AFG2A: variants seen among roughly 807,000 people sequenced by gnomAD.
The protein encoded by AFG2A is AAA ATPase AFG2A.
At chr4:122,962,906 T>C in the AFG2A span, among the ~76,000 whole-genome samples, 1 of 152,234 alleles carries the variant, frequency 6.6e-6, no homozygotes, top group South Asian at 2.1e-4. Flanking sequence ...CTGCCTACTG[T>C]TTCTTTTTCA....
At chr4:123,153,812 GA>G in the AFG2A span, among the ~76,000 whole-genome samples, 2 of 151,792 alleles carry the variant, frequency 1.3e-5, no homozygotes, top group African/African-American at 4.8e-5. Context: ...AATGGAAAAA[GA>G]AAAAACAAAC....
chr4:123,186,333 G>A, the AFG2A span, among the ~76,000 whole-genome samples: 4 of 152,230 alleles, frequency 2.6e-5, no homozygotes, highest in South Asian at 8.3e-4. Flanking sequence ...TAGAATCCCA[G>A]CAATGGAAAG....
the AFG2A span, among the ~76,000 whole-genome samples, chr4:123,004,557 C>G: frequency 8.5e-5 from 13 of 152,212 alleles, no homozygotes; most frequent in African/African-American, 3.1e-4. Context: ...ATGTTTGAAT[C>G]AGTCTTGTAG....
At chr4:123,040,798 G>C in the AFG2A span, among the ~76,000 whole-genome samples, 40 of 152,166 alleles carry the variant, frequency 2.6e-4, no homozygotes, top group East Asian at 3.1e-3. Context: ...AGATATGGAA[G>C]TATTGGTGAT....
At chr4:123,202,307 T>G in the AFG2A span, among the ~76,000 whole-genome samples, 45 of 152,308 alleles carry the variant, frequency 3.0e-4, no homozygotes, top group South Asian at 7.0e-3. Context: ...TACTAATATG[T>G]GCATATTTAT....
chr4:123,121,256 A>AT, the AFG2A span, among the ~76,000 whole-genome samples: 3 of 80,216 alleles, frequency 3.7e-5, no homozygotes, highest in African/African-American at 8.4e-5. Flanking sequence ...AGTAAAAAAA[A>AT]AAAATAATAA....
chr4:123,130,116 C>T, the AFG2A span, among the ~76,000 whole-genome samples: 1 of 151,948 alleles, frequency 6.6e-6, no homozygotes, highest in Non-Finnish European at 1.5e-5. Flanking sequence ...TCAAACCATC[C>T]CCCACCTCAG....
the AFG2A span, among the ~76,000 whole-genome samples, chr4:123,010,808 T>C: frequency 3.9e-5 from 6 of 152,238 alleles, no homozygotes; most frequent in Non-Finnish European, 8.8e-5. Flanking sequence ...ACATGTCCAA[T>C]TTCTCAAGGC....
the AFG2A span, among the ~76,000 whole-genome samples, chr4:123,084,982 A>G: frequency 6.6e-6 from 1 of 151,338 alleles, no homozygotes; most frequent in African/African-American, 2.4e-5. Context: ...CCTTTGTATT[A>G]CAAGTGTGTT....
the AFG2A span, among the ~76,000 whole-genome samples, chr4:123,308,556 C>T: frequency 3.3e-5 from 5 of 152,060 alleles, no homozygotes; most frequent in Middle Eastern, 3.2e-3. Context: ...CCAGGTTGTG[C>T]ACTCCTTATG....
the AFG2A span, among the ~76,000 whole-genome samples, chr4:122,977,314 A>G: frequency 1.3e-5 from 2 of 152,196 alleles, no homozygotes. Context: ...GGCGCAGAGC[A>G]GTGAAGGGGG....
At chr4:123,156,759 T>TAAAAAAAAAA in the AFG2A span, among the ~76,000 whole-genome samples, 4 of 134,808 alleles carry the variant, frequency 3.0e-5, no homozygotes, top group African/African-American at 8.3e-5. Context: ...TTAAGAAGAT[T>TAAAAAAAAAA]AAAAAAAAAA....
At chr4:123,192,575 C>T in the AFG2A span, among the ~76,000 whole-genome samples, 7 of 152,280 alleles carry the variant, frequency 4.6e-5, no homozygotes, top group Middle Eastern at 3.4e-3. Context: ...GCTCCATAGC[C>T]ACGGTAGTGA....
the AFG2A span, among the ~76,000 whole-genome samples, chr4:123,244,184 C>G: frequency 6.6e-6 from 1 of 151,736 alleles, no homozygotes; most frequent in Non-Finnish European, 1.5e-5. Flanking sequence ...GCAGGACTGA[C>G]GGAACTCAGA....
At chr4:123,123,917 A>G in the AFG2A span, among the ~76,000 whole-genome samples, 9 of 132,624 alleles carry the variant, frequency 6.8e-5, no homozygotes, top group South Asian at 2.6e-4. Context: ...GCGCCACTGC[A>G]CTCCAGCCTG....
chr4:123,260,159 TA>T, the AFG2A span: 5 of 152,232 alleles, frequency 3.3e-5, no homozygotes, highest in African/African-American at 1.2e-4. Context: ...TTCTTTTCTT[TA>T]AAATGTAAAA....
the AFG2A span, among the ~76,000 whole-genome samples, chr4:123,178,294 G>T: frequency 6.6e-6 from 1 of 152,106 alleles, no homozygotes; most frequent in Non-Finnish European, 1.5e-5. Context: ...TCTGATGTCT[G>T]TTATTCCACT....
the AFG2A span, among the ~76,000 whole-genome samples, chr4:123,088,546 T>C: frequency 6.6e-6 from 1 of 152,208 alleles, no homozygotes; most frequent in African/African-American, 2.4e-5. Context: ...TTTGGCTCTG[T>C]GTCCCCACCC....
the AFG2A span, among the ~76,000 whole-genome samples, chr4:123,097,674 A>G: frequency 6.6e-6 from 1 of 152,124 alleles, no homozygotes; most frequent in Non-Finnish European, 1.5e-5. Flanking sequence ...TATTATTCTT[A>G]TCTTCTATGG....
Sources: gnomAD v4.1 joint callset for allele counts (sites outside exome capture counted in the v4.1 genomes callset) on GRCh38, gnomAD v4.1.1 for gene constraint, MANE v1.5 for transcripts, NCBI Gene and HGNC (gene_info 2026-07-23, HGNC 2026-07-21) for gene names.